EFCAB6: variants seen among roughly 807,000 people sequenced by gnomAD.
The protein encoded by EFCAB6 is EF-hand calcium-binding domain-containing protein 6.
Under a neutral mutation model 169.8 loss-of-function variants are expected in EFCAB6, and 156 were observed. The observed-to-expected ratio is 0.92, with a 90% CI of 0.81 to 1.05. The LOEUF (loss-of-function observed/expected upper bound fraction) is 1.05, where lower values mean the gene tolerates loss of function less well. Ranked by LOEUF, EFCAB6 falls within the 50% of genes least tolerant of loss-of-function variation. EFCAB6 has a pLI of 0.00. For missense variants in EFCAB6, 1,800 were observed against 1,829.1 expected (o/e 0.98, Z 0.29); for synonymous variants, 698 against 676.4 (o/e 1.03, Z -0.50).
At chr22:43,811,621 G>C (rs2063133338) in intron 1 of EFCAB6, among the ~76,000 whole-genome samples, 1 of 152,114 alleles carries the variant, frequency 6.6e-6, no homozygotes, top group Non-Finnish European at 1.5e-5. Context: ...GAGTGTAAAA[G>C]AGCAGAGATT....
chr22:43,573,391 A>ATC (rs2050019609), intron 26 of EFCAB6, among the ~76,000 whole-genome samples: 1 of 152,210 alleles, frequency 6.6e-6, no homozygotes, highest in African/African-American at 2.4e-5. Context: ...CCCCAAACTC[A>ATC]GCAGTATACA....
At chr22:43,782,775 C>T (rs1338503299) in intron 2 of EFCAB6, among the ~76,000 whole-genome samples, 2 of 152,138 alleles carry the variant, frequency 1.3e-5, no homozygotes, top group African/African-American at 4.8e-5. Flanking sequence ...AATGAGGACA[C>T]TGGGAAAAAT....
chr22:43,559,867 TG>T (rs529430454), intron 26 of EFCAB6, among the ~76,000 whole-genome samples: 2 of 145,714 alleles, frequency 1.4e-5, no homozygotes, highest in Non-Finnish European at 3.0e-5. Context: ...TATTGTTGGG[TG>T]GGGGGCAAGG....
intron 12 of EFCAB6, 98 bp downstream of exon 12, chr22:43,683,649 T>C (rs1455788410): frequency 2.2e-6 from 2 of 889,804 alleles, no homozygotes; most frequent in African/African-American, 1.6e-5. Flanking sequence ...GTTGGATGGA[T>C]AAATGAACGA....
At position 43,708,752 on chromosome 22, in the gene EFCAB6, T is replaced by C. The variant is rs139846328; in HGVS notation, c.1031+2723A>G. On this transcript the variant is annotated intron_variant, in intron 10 of 31. Coordinates refer to ENST00000262726, the MANE Select transcript of EFCAB6 (RefSeq NM_022785.4). ...TCATAGGGATAAAAGGGCTATGATA[T>C]AATAGTAAAGGGAACAGCTGACCAG... is the stretch of plus-strand genomic sequence containing the variant. 2.1e-3 allele frequency among the ~76,000 whole-genome samples: 318 copies of C among 151,714 alleles called. 1 individual carries two copies. Among genetic ancestry groups the C allele is most frequent in the African/African-American group, 7.4e-3 (309 of 41,520 alleles).
rs895545188 is a variant in EFCAB6 at position 43,755,783 on chromosome 22, T to C, written c.490A>G (p.Ile164Val). 3.7e-6 allele frequency: 6 copies of C among 1,607,096 alleles called. No homozygotes were observed. The African/African-American group carries it at 6.7e-5, about 18-fold the overall frequency. Residue 164 changes from isoleucine to valine, a missense_variant, in exon 6 of 32, where the codon ATC becomes GTC. Ile to Val is a conservative substitution (Grantham distance 29). Coordinates refer to ENST00000262726, the MANE Select transcript of EFCAB6 (RefSeq NM_022785.4). ...TCTATTACCTTTTCTCCCACTTGGA[T>C]TTCAAGTTCTCTTAATGTGCGGCAG... is the stretch of plus-strand genomic sequence containing the variant. The part of the protein sequence containing the change: ...NCCRTLRELE[I>V]QVGEKVFKNI...
intron 4 of EFCAB6, 28 bp from the exon 5 acceptor site, chr22:43,765,421 A>G: frequency 6.4e-7 from 1 of 1,553,706 alleles, no homozygotes. Context: ...GAATGACAAC[A>G]TGTTAGAGAA....
intron 6 of EFCAB6, among the ~76,000 whole-genome samples, chr22:43,736,359 T>C (rs775509234): frequency 4.1e-4 from 62 of 152,244 alleles, no homozygotes; most frequent in Non-Finnish European, 8.4e-4. Flanking sequence ...ATTTTTATTT[T>C]TCACAGCCAT....
chr22:43,661,708 G>A (rs547911719), intron 17 of EFCAB6, among the ~76,000 whole-genome samples: 5 of 152,298 alleles, frequency 3.3e-5, no homozygotes, highest in South Asian at 4.1e-4. Context: ...GGAGGCATGC[G>A]TCCACTCAGC....
chr22:43,672,198 C>T (rs1190206522), intron 14 of EFCAB6, 48 bp downstream of exon 14: 1 of 1,613,954 alleles, frequency 6.2e-7, no homozygotes, highest in Non-Finnish European at 8.5e-7. Context: ...ACAGTAACCT[C>T]AAACCATATA....
chr22:43,598,315 A>C (rs1039900408), intron 23 of EFCAB6, among the ~76,000 whole-genome samples: 897 of 87,910 alleles, frequency 0.01, 42 homozygotes, highest in East Asian at 0.091. Flanking sequence ...CTCCGGGAAA[A>C]AAAAAAAAAA....
intron 6 of EFCAB6, among the ~76,000 whole-genome samples, chr22:43,739,093 A>G (rs1057078165): frequency 4.6e-5 from 7 of 152,134 alleles, no homozygotes; most frequent in African/African-American, 1.7e-4. Context: ...ATTCCCTTGC[A>G]CTGAAATCCC....
chr22:43,682,755 G>A (rs773932772), intron 12 of EFCAB6, among the ~76,000 whole-genome samples: 24 of 152,144 alleles, frequency 1.6e-4, no homozygotes, highest in African/African-American at 5.6e-4. Context: ...TGTATATATC[G>A]CCGAATCATT....
chr22:43,669,861 G>A (rs137766), intron 15 of EFCAB6, among the ~76,000 whole-genome samples: 75,420 of 151,976 alleles, frequency 0.5, 19,142 homozygotes, highest in East Asian at 0.75. Context: ...CTAGTTTTCT[G>A]TTAACACTGA....
At chr22:43,579,825 C>G (rs1410647092) in intron 25 of EFCAB6, among the ~76,000 whole-genome samples, 1 of 150,488 alleles carries the variant, frequency 6.6e-6, no homozygotes, top group Non-Finnish European at 1.5e-5. Flanking sequence ...ATTCCCTACA[C>G]GCAGGCATCA....
chr22:43,625,326 T>C (rs2054425292), intron 20 of EFCAB6, among the ~76,000 whole-genome samples: 1 of 152,204 alleles, frequency 6.6e-6, no homozygotes. Flanking sequence ...AGTGTCACTA[T>C]GATGCTGTAT....
intron 9 of EFCAB6, among the ~76,000 whole-genome samples, chr22:43,716,104 C>T (rs1166598077): frequency 6.6e-6 from 1 of 152,170 alleles, no homozygotes; most frequent in Non-Finnish European, 1.5e-5. Context: ...TTCATGCTTA[C>T]AAGAGATTCT....
At chr22:43,706,941 A>C (rs1003539842) in intron 10 of EFCAB6, among the ~76,000 whole-genome samples, 1 of 152,248 alleles carries the variant, frequency 6.6e-6, no homozygotes, top group Non-Finnish European at 1.5e-5. Flanking sequence ...AAATGATTTT[A>C]AATTCAGAGC....
In EFCAB6 at chr22:43,687,453, T is replaced by G. The variant is rs747855685; in HGVS notation, c.1142+18A>C. On this transcript the variant is annotated intron_variant, in intron 11 of 31. Transcript: ENST00000262726. ...ATATGTGTAACTAAAATTTGTTTTT[T>G]TTTTTTTTTTTACATACCTATTTCT... 1.0e-5 allele frequency: 14 copies of G among 1,375,232 alleles called. No homozygotes were observed. The highest frequency in any genetic ancestry group is 4.2e-5 in the South Asian group (3 of 70,736). 85.2% of individuals were successfully genotyped at this position (1,375,232 alleles called of 1,614,324 possible). A position where few individuals can be genotyped will look rare whatever the true frequency, so the allele number is the denominator to read the frequency against.
Sources: gnomAD v4.1 joint callset for allele counts (sites outside exome capture counted in the v4.1 genomes callset) on GRCh38, gnomAD v4.1.1 for gene constraint, MANE v1.5 for transcripts, NCBI Gene and HGNC (gene_info 2026-07-23, HGNC 2026-07-21) for gene names.